The following SLC24A2 variants were observed in gnomAD, a reference collection of about 807,000 sequenced individuals.
SLC24A2 encodes the protein solute carrier family 24 member 2, also known as sodium/potassium/calcium exchanger 2.
SLC24A2 carries 36 observed loss-of-function variants against 62.0 expected under a neutral mutation model. The observed-to-expected ratio is 0.58, with a 90% confidence interval of 0.44 to 0.77. The LOEUF is 0.77. SLC24A2 is among the 30% of genes least tolerant of loss of function. SLC24A2 has a pLI of 0.00. For missense variants in SLC24A2, 846 were observed against 817.9 expected (o/e 1.03, Z -0.42); for synonymous variants, 358 against 294.0 (o/e 1.22, Z -2.23).
the SLC24A2 span, among the ~76,000 whole-genome samples, chr9:20,151,320 C>G: frequency 2.0e-5 from 3 of 151,800 alleles, no homozygotes; most frequent in South Asian, 4.2e-4. Context: ...TTTAACCTAC[C>G]CTTTCAGCCT....
the SLC24A2 span, among the ~76,000 whole-genome samples, chr9:19,883,615 A>G: frequency 2.6e-3 from 388 of 150,530 alleles, 1 homozygote; most frequent in African/African-American, 8.7e-3. Context: ...GCCCAGGCTG[A>G]AGTGCAGTGG....
At chr9:19,743,732 G>C (rs568573640) in intron 2 of SLC24A2, among the ~76,000 whole-genome samples, 1 of 152,150 alleles carries the variant, frequency 6.6e-6, no homozygotes, top group South Asian at 2.1e-4. Flanking sequence ...TCAGGTCCTA[G>C]GGTTCTGTTT....
At chr9:20,055,003 C>T in the SLC24A2 span, among the ~76,000 whole-genome samples, 22 of 152,168 alleles carry the variant, frequency 1.4e-4, no homozygotes, top group Non-Finnish European at 2.5e-4. Flanking sequence ...ACCTGCACCA[C>T]ATTTTGAAGC....
chr9:19,550,315 G>A (rs759182946), intron 7 of SLC24A2, 47 bp from the exon 8 acceptor site: 5 of 1,591,972 alleles, frequency 3.1e-6, no homozygotes, highest in East Asian at 4.5e-5. Flanking sequence ...AAAATAAAAT[G>A]TACACAGGCA....
the SLC24A2 span, among the ~76,000 whole-genome samples, chr9:20,080,605 A>G: frequency 6.6e-6 from 1 of 152,232 alleles, no homozygotes; most frequent in African/African-American, 2.4e-5. Flanking sequence ...AGCAATGGCA[A>G]CAAAAGCCAA....
the SLC24A2 span, among the ~76,000 whole-genome samples, chr9:20,051,650 T>C: frequency 2.2e-5 from 3 of 136,886 alleles, no homozygotes; most frequent in Non-Finnish European, 1.5e-5. Context: ...TGAGGTTTTT[T>C]CTTTCTCTTT....
the SLC24A2 span, among the ~76,000 whole-genome samples, chr9:19,848,473 T>C: frequency 1.3e-5 from 2 of 152,198 alleles, no homozygotes; most frequent in Non-Finnish European, 2.9e-5. Flanking sequence ...ATGACACATA[T>C]AGCAGTGTAC....
At chr9:20,285,479 G>A in the SLC24A2 span, among the ~76,000 whole-genome samples, 100 of 152,254 alleles carry the variant, frequency 6.6e-4, no homozygotes, top group Middle Eastern at 3.4e-3. Flanking sequence ...GAAAAAAGCT[G>A]ATGTTTCAAT....
chr9:20,110,488 G>A, the SLC24A2 span, among the ~76,000 whole-genome samples: 1 of 151,384 alleles, frequency 6.6e-6, no homozygotes, highest in Non-Finnish European at 1.5e-5. Context: ...ACTAACTTAA[G>A]TGATTATAAC....
chr9:20,037,653 G>C, the SLC24A2 span, among the ~76,000 whole-genome samples: 1 of 152,132 alleles, frequency 6.6e-6, no homozygotes, highest in African/African-American at 2.4e-5. Flanking sequence ...CAAGTCAGGC[G>C]CTTATGATTT....
chr9:19,993,436 A>T, the SLC24A2 span, among the ~76,000 whole-genome samples: 1 of 152,218 alleles, frequency 6.6e-6, no homozygotes, highest in Non-Finnish European at 1.5e-5. Context: ...GGCTATTTTA[A>T]ATTTTTGTCT....
chr9:20,253,894 C>T, the SLC24A2 span, among the ~76,000 whole-genome samples: 1 of 152,090 alleles, frequency 6.6e-6, no homozygotes, highest in South Asian at 2.1e-4. Context: ...CTTAGAACCA[C>T]TGGATGCTTC....
chr9:20,180,658 G>A, the SLC24A2 span, among the ~76,000 whole-genome samples: 4 of 152,196 alleles, frequency 2.6e-5, no homozygotes, highest in South Asian at 2.1e-4. Context: ...AATAATTAGA[G>A]CCTAAAGACT....
chr9:19,631,545 A>G (rs1380194618), intron 2 of SLC24A2, among the ~76,000 whole-genome samples: 1 of 152,170 alleles, frequency 6.6e-6, no homozygotes, highest in Non-Finnish European at 1.5e-5. Flanking sequence ...GGGGTCTTAC[A>G]TATTACACAT....
intron 2 of SLC24A2, among the ~76,000 whole-genome samples, chr9:19,650,005 G>C (rs1818752812): frequency 6.6e-6 from 1 of 152,178 alleles, no homozygotes; most frequent in Admixed American, 6.5e-5. Context: ...TTCTAACTCT[G>C]GCGGGGTACA....
Position 19,788,949 on chromosome 9 carries a change from C to T in SLC24A2, c.-218G>A. 7 of 985,148 alleles carry T rather than the reference C, an allele frequency of 7.1e-6. No homozygotes were observed. Among genetic ancestry groups the T allele is most frequent in the Non-Finnish European group, 8.4e-6 (7 of 829,680 alleles). 61.0% of individuals were successfully genotyped at this position (985,148 alleles called of 1,614,324 possible). A position where few individuals can be genotyped will look rare whatever the true frequency, so the allele number is the denominator to read the frequency against. ...GAGCGCGGCCCGCCGCTCCAGTCCGCCGGCCCTCCGCCTACCCGCTCTGAG... is the reference window on the plus strand; with the variant it reads ...GAGCGCGGCCCGCCGCTCCAGTCCGTCGGCCCTCCGCCTACCCGCTCTGAG... On this transcript the variant is annotated 5_prime_UTR_variant, in exon 1 of 11. Transcript: ENST00000341998.
the SLC24A2 span, among the ~76,000 whole-genome samples, chr9:20,150,658 ATTC>A: frequency 6.6e-6 from 1 of 151,998 alleles, no homozygotes; most frequent in South Asian, 2.1e-4. Context: ...AATGATATTC[ATTC>A]TTGTCAAAAT....
At chr9:19,527,223 T>G (rs964325909) in intron 9 of SLC24A2, among the ~76,000 whole-genome samples, 3 of 152,198 alleles carry the variant, frequency 2.0e-5, no homozygotes, top group Admixed American at 2.0e-4. Context: ...TTGGAATTTA[T>G]GTAGTTTATA....
chr9:20,273,495 C>G, the SLC24A2 span, among the ~76,000 whole-genome samples: 1 of 152,082 alleles, frequency 6.6e-6, no homozygotes, highest in South Asian at 2.1e-4. Context: ...ATCATGGAGG[C>G]GAGTCTTTCC....
Sources: allele counts gnomAD v4.1 joint callset (sites outside exome capture counted in the v4.1 genomes callset), GRCh38; gene constraint gnomAD v4.1.1; transcripts MANE v1.5; gene names NCBI Gene and HGNC (gene_info 2026-07-23, HGNC 2026-07-21).